CEP83: variants seen among roughly 807,000 people sequenced by gnomAD.
The protein encoded by CEP83 is centrosomal protein of 83 kDa.
CEP83 carries 70 observed loss-of-function variants against 101.9 expected under a neutral mutation model. The observed-to-expected ratio is 0.69, with a 90% CI of 0.57 to 0.84. The LOEUF is 0.84. Ranked by LOEUF, CEP83 falls within the 40% of genes least tolerant of loss-of-function variation. The pLI is 0.00. For synonymous variants in CEP83, 264 were observed against 267.9 expected, an observed-to-expected ratio of 0.99 and a Z score of 0.14; for missense variants, 715 against 787.2, an observed-to-expected ratio of 0.91 and a Z score of 1.10.
At chr12:94,315,323 C>T (rs1298556467) in intron 14 of CEP83, among the ~76,000 whole-genome samples, 1 of 152,106 alleles carries the variant, frequency 6.6e-6, no homozygotes, top group African/African-American at 2.4e-5. Flanking sequence ...TTACATTTTC[C>T]TGATAGCTAA....
At chr12:94,436,121 T>C (rs938817581) in intron 1 of CEP83, among the ~76,000 whole-genome samples, 2 of 150,696 alleles carry the variant, frequency 1.3e-5, no homozygotes, top group Admixed American at 6.6e-5. Flanking sequence ...CACTGAAACA[T>C]ACAAATAAAA....
Position 94,335,580 on chromosome 12 carries a change from A to C in CEP83, c.1419+9T>G. ...AAAAATAAAAGGAAAATCTTCGCTA[A>C]AATCATACCTGTTTTAGGTCAGAAT... On this transcript the variant is annotated intron_variant, in intron 12 of 16. Coordinates refer to ENST00000397809, the MANE Select transcript of CEP83 (RefSeq NM_016122.3). The C allele has an allele frequency of 6.6e-7, 1 of 1,522,056 alleles. No homozygotes were observed. The highest frequency in any genetic ancestry group is 9.0e-7 in the Non-Finnish European group (1 of 1,116,136). 94.3% of individuals were successfully genotyped at this position (1,522,056 alleles called of 1,614,324 possible).
intron 12 of CEP83, 62 bp downstream of exon 12, chr12:94,335,527 C>A: frequency 1.7e-6 from 2 of 1,145,526 alleles, no homozygotes; most frequent in Non-Finnish European, 1.3e-6. Context: ...TTAAAATTTG[C>A]AAAACATAAA....
In CEP83 at chr12:94,424,463, T is replaced by C. The variant is rs149654766; in HGVS notation, c.-102+10812A>G. On this transcript the variant is annotated intron_variant, in intron 2 of 16. Transcript: ENST00000397809. ...AACACCTCTGCTGGTCCCACTGGTA[T>C]CTCGAAGGATACGGGTGGAGATAAC... is the stretch of plus-strand genomic sequence containing the variant. 4.2e-4 allele frequency: 677 copies of C among 1,614,026 alleles called. 3 individuals are homozygous for C. In the African/African-American group the frequency reaches 8.1e-3, roughly 19 times the overall value.
chr12:94,450,142 G>C (rs2067141063), intron 1 of CEP83, among the ~76,000 whole-genome samples: 1 of 152,150 alleles, frequency 6.6e-6, no homozygotes, highest in South Asian at 2.1e-4. Flanking sequence ...TCTTACTGGA[G>C]GGTCTAACCC....
chr12:94,416,986 A>C (rs1244448598), intron 2 of CEP83, among the ~76,000 whole-genome samples: 1 of 151,744 alleles, frequency 6.6e-6, no homozygotes, highest in Non-Finnish European at 1.5e-5. Context: ...CCCCCCTCCC[A>C]AAAAAAACTA....
the CEP83 span, among the ~76,000 whole-genome samples, chr12:94,284,075 T>A: frequency 1.6e-5 from 2 of 126,458 alleles, no homozygotes; most frequent in African/African-American, 3.2e-5. Flanking sequence ...AGAGCAAGAC[T>A]CCATGTCAGG....
intron 11 of CEP83, among the ~76,000 whole-genome samples, chr12:94,346,856 G>A (rs1445073206): frequency 1.3e-5 from 2 of 152,096 alleles, no homozygotes; most frequent in African/African-American, 4.8e-5. Context: ...TGGGAAACAT[G>A]GAGAAACCTT....
chr12:94,424,263 G>T (rs953230187), intron 2 of CEP83: 13 of 1,614,080 alleles, frequency 8.1e-6, no homozygotes, highest in Non-Finnish European at 1.1e-5. Context: ...GGCCAAGCCC[G>T]TCCATTTTGC....
At chr12:94,286,680 G>A in the CEP83 span, among the ~76,000 whole-genome samples, 1 of 147,410 alleles carries the variant, frequency 6.8e-6, no homozygotes, top group Admixed American at 6.7e-5. Flanking sequence ...AGTTTTAAGT[G>A]AATCAGACTC....
chr12:94,378,763 C>G (rs1387558785), intron 7 of CEP83, 28 bp downstream of exon 7: 1 of 1,608,984 alleles, frequency 6.2e-7, no homozygotes, highest in Admixed American at 1.7e-5. Flanking sequence ...GTATGCCATA[C>G]TCTACTGGGA....
At chr12:94,349,285 CAAA>C (rs567484415) in intron 11 of CEP83, among the ~76,000 whole-genome samples, 2 of 73,448 alleles carry the variant, frequency 2.7e-5, no homozygotes, top group Admixed American at 1.5e-4. Context: ...GACTCTGTCT[CAAA>C]AAAAAAAAAA....
intron 11 of CEP83, among the ~76,000 whole-genome samples, chr12:94,358,414 T>C (rs529232334): frequency 6.6e-6 from 1 of 152,198 alleles, no homozygotes; most frequent in East Asian, 1.9e-4. Context: ...CGCCAAACAT[T>C]AGGGAAAAAT....
chr12:94,358,526 T>C (rs1281840547), intron 11 of CEP83, among the ~76,000 whole-genome samples: 26 of 152,172 alleles, frequency 1.7e-4, no homozygotes, highest in Non-Finnish European at 1.5e-5. Flanking sequence ...AAAGAGAAAC[T>C]GGAGGCTTTA....
chr12:94,419,470 T>C (rs1341508111), intron 2 of CEP83, among the ~76,000 whole-genome samples: 4 of 152,082 alleles, frequency 2.6e-5, no homozygotes, highest in Non-Finnish European at 5.9e-5. Context: ...TCCAAATGAG[T>C]GTGTCTCTAT....
chr12:94,336,762 T>C (rs963422780), intron 11 of CEP83, among the ~76,000 whole-genome samples: 1 of 152,192 alleles, frequency 6.6e-6, no homozygotes, highest in African/African-American at 2.4e-5. Context: ...GCTACATGAT[T>C]ACTCATTCAA....
chr12:94,339,687 T>TA (rs2059597844), intron 11 of CEP83, among the ~76,000 whole-genome samples: 4 of 152,222 alleles, frequency 2.6e-5, no homozygotes, highest in African/African-American at 4.8e-5. Context: ...CAAAGAGTCC[T>TA]ACAAGTCTCA....
At chr12:94,399,878 G>A (rs889869435) in intron 6 of CEP83, among the ~76,000 whole-genome samples, 1 of 152,052 alleles carries the variant, frequency 6.6e-6, no homozygotes, top group Non-Finnish European at 1.5e-5. Flanking sequence ...ATAGTGTTCT[G>A]GTACTACACT....
At chr12:94,336,055 A>G (rs1041080171) in intron 11 of CEP83, among the ~76,000 whole-genome samples, 3 of 152,096 alleles carry the variant, frequency 2.0e-5, no homozygotes, top group African/African-American at 7.3e-5. Flanking sequence ...GGAGAGGCCA[A>G]CTTACATCCA....
Sources: allele counts gnomAD v4.1 joint callset (sites outside exome capture counted in the v4.1 genomes callset), GRCh38; gene constraint gnomAD v4.1.1; transcripts MANE v1.5; gene names NCBI Gene and HGNC (gene_info 2026-07-23, HGNC 2026-07-21).